Variants in ENTREP1 observed in about 807,000 individuals in gnomAD.
The protein encoded by ENTREP1 is Friedreich ataxia region gene X123.
At chr9:69,325,390 C>CGCCGCT in the ENTREP1 span, 1 of 1,118,298 alleles carries the variant, frequency 8.9e-7, no homozygotes, top group East Asian at 4.5e-5. Context: ...GGGGCCCGGG[C>CGCCGCT]GCCGCTGCCG....
At chr9:69,377,480 A>G in the ENTREP1 span, 2 of 1,610,612 alleles carry the variant, frequency 1.2e-6, no homozygotes, top group Non-Finnish European at 1.7e-6. Context: ...CCTGCATCGT[A>G]AGTCTATGCA....
chr9:69,384,014 A>G, the ENTREP1 span: 5 of 1,608,414 alleles, frequency 3.1e-6, no homozygotes, highest in Non-Finnish European at 4.3e-6. Flanking sequence ...GGCTGCACAC[A>G]AGTGACTCAA....
the ENTREP1 span, chr9:69,387,796 T>C: frequency 2.3e-6 from 2 of 861,988 alleles, no homozygotes; most frequent in Non-Finnish European, 3.2e-6. Context: ...ATCCTTTCAT[T>C]GGTCAGCCAC....
chr9:69,349,565 A>G, the ENTREP1 span, among the ~76,000 whole-genome samples: 1 of 152,154 alleles, frequency 6.6e-6, no homozygotes, highest in Non-Finnish European at 1.5e-5. Context: ...CTTTGGAGAA[A>G]TGTCTATTCA....
the ENTREP1 span, among the ~76,000 whole-genome samples, chr9:69,385,426 G>C: frequency 6.6e-6 from 1 of 152,142 alleles, no homozygotes; most frequent in Non-Finnish European, 1.5e-5. Context: ...CCAGAACCAG[G>C]CTTATCCTGA....
At chr9:69,347,812 G>A in the ENTREP1 span, among the ~76,000 whole-genome samples, 7 of 152,256 alleles carry the variant, frequency 4.6e-5, no homozygotes, top group East Asian at 1.4e-3. Flanking sequence ...AGCTCTGCTT[G>A]TTCAAGGGAC....
chr9:69,369,760 A>G, the ENTREP1 span, among the ~76,000 whole-genome samples: 1 of 152,074 alleles, frequency 6.6e-6, no homozygotes, highest in Admixed American at 6.6e-5. Flanking sequence ...GTGGTATCTC[A>G]TTGTGGTTTT....
the ENTREP1 span, chr9:69,371,530 G>A: frequency 1.2e-5 from 19 of 1,613,714 alleles, no homozygotes; most frequent in Middle Eastern, 3.3e-4. Flanking sequence ...TCTGTGGTTT[G>A]TGTCCTCTTA....
the ENTREP1 span, among the ~76,000 whole-genome samples, chr9:69,355,425 C>T: frequency 3.9e-5 from 6 of 152,160 alleles, no homozygotes; most frequent in Non-Finnish European, 5.9e-5. Context: ...AAATACCTGA[C>T]TTAGCAGATT....
chr9:69,343,433 C>T, the ENTREP1 span, among the ~76,000 whole-genome samples: 1 of 152,048 alleles, frequency 6.6e-6, no homozygotes, highest in Non-Finnish European at 1.5e-5. Flanking sequence ...GTTTTAGAGC[C>T]CCTGCTGGAT....
chr9:69,362,489 A>G, the ENTREP1 span, among the ~76,000 whole-genome samples: 2 of 152,242 alleles, frequency 1.3e-5, no homozygotes, highest in Non-Finnish European at 2.9e-5. Flanking sequence ...TTCGTTTTGC[A>G]TAAAGGCAGC....
the ENTREP1 span, chr9:69,388,195 T>C: frequency 2.5e-6 from 4 of 1,614,154 alleles, no homozygotes; most frequent in Non-Finnish European, 3.4e-6. Flanking sequence ...CAACACAGAC[T>C]GAAAGGAGAC....
At chr9:69,377,906 A>G in the ENTREP1 span, among the ~76,000 whole-genome samples, 1 of 152,204 alleles carries the variant, frequency 6.6e-6, no homozygotes, top group Admixed American at 6.5e-5. Context: ...TGACAAAATC[A>G]GCTAGTGAAC....
the ENTREP1 span, among the ~76,000 whole-genome samples, chr9:69,376,340 G>A: frequency 6.6e-6 from 1 of 152,122 alleles, no homozygotes; most frequent in Non-Finnish European, 1.5e-5. Flanking sequence ...GAGAGAGATT[G>A]GCCAGAAAAT....
the ENTREP1 span, among the ~76,000 whole-genome samples, chr9:69,378,177 T>TGA: frequency 7.3e-3 from 1,107 of 152,272 alleles, 33 homozygotes; most frequent in East Asian, 0.052. Context: ...TTGACATGAT[T>TGA]GAGAGTCGCT....
chr9:69,362,807 G>C, the ENTREP1 span, among the ~76,000 whole-genome samples: 3 of 152,150 alleles, frequency 2.0e-5, no homozygotes, highest in Non-Finnish European at 4.4e-5. Context: ...AAGCTAGACT[G>C]TCCTAGCCTC....
chr9:69,383,118 T>A, the ENTREP1 span: 2 of 985,312 alleles, frequency 2.0e-6, no homozygotes, highest in Non-Finnish European at 2.4e-6. Context: ...TCATGTAGAA[T>A]GTAAGACATA....
chr9:69,372,420 C>T, the ENTREP1 span, among the ~76,000 whole-genome samples: 1 of 152,160 alleles, frequency 6.6e-6, no homozygotes, highest in East Asian at 1.9e-4. Flanking sequence ...GTACCTCATA[C>T]AAGTAGGATA....
At chr9:69,391,498 G>A in the ENTREP1 span, 1 of 901,472 alleles carries the variant, frequency 1.1e-6, no homozygotes. Flanking sequence ...CTTTTTCAAA[G>A]CAATTACACA....
Sources: gnomAD v4.1 joint callset for allele counts (sites outside exome capture counted in the v4.1 genomes callset) on GRCh38, gnomAD v4.1.1 for gene constraint, MANE v1.5 for transcripts, NCBI Gene and HGNC (gene_info 2026-07-23, HGNC 2026-07-21) for gene names.